The following FRMD5 variants were observed in gnomAD, a reference collection of about 807,000 sequenced individuals.
FRMD5 encodes FERM domain-containing protein 5.
In FRMD5, 20 loss-of-function variants were observed where a neutral mutation model predicts 69.0. The observed-to-expected ratio is 0.29, with a 90% CI of 0.20 to 0.42. The LOEUF (loss-of-function observed/expected upper bound fraction) is 0.42. Ranked by LOEUF, FRMD5 falls within the 10% of genes least tolerant of loss-of-function variation. The pLI, the probability that FRMD5 is intolerant of heterozygous loss-of-function variation, is 1.00. For missense variants in FRMD5, 595 were observed against 708.6 expected, an observed-to-expected ratio of 0.84 and a Z score of 1.82; for synonymous variants, 271 against 260.1, an observed-to-expected ratio of 1.04 and a Z score of -0.40.
chr15:43,966,946 G>A (rs572476511), intron 1 of FRMD5, among the ~76,000 whole-genome samples: 3 of 152,228 alleles, frequency 2.0e-5, no homozygotes, highest in Admixed American at 6.5e-5. Context: ...TTGCCTATAG[G>A]AGCATCCCAG....
chr15:43,879,981 G>C (rs548824551), intron 13 of FRMD5: 3 of 207,472 alleles, frequency 1.4e-5, no homozygotes, highest in Admixed American at 5.9e-5. Flanking sequence ...TTGGCCTGCA[G>C]CTCTTTCCCT....
chr15:44,096,243 T>G (rs1320408680), intron 1 of FRMD5, among the ~76,000 whole-genome samples: 1 of 149,744 alleles, frequency 6.7e-6, no homozygotes, highest in African/African-American at 2.5e-5. Flanking sequence ...TAAATTAAAT[T>G]ATGTCCATCA....
upstream of FRMD5, among the ~76,000 whole-genome samples, chr15:44,195,611 C>T (rs2078281308): frequency 6.6e-6 from 1 of 152,252 alleles, no homozygotes; most frequent in Non-Finnish European, 1.5e-5. Flanking sequence ...CCAAGCCTCG[C>T]ACCCTGCAAC....
chr15:43,995,834 C>T (rs1177387626), intron 1 of FRMD5, among the ~76,000 whole-genome samples: 2 of 152,024 alleles, frequency 1.3e-5, no homozygotes, highest in Non-Finnish European at 1.5e-5. Flanking sequence ...TGAGAGCCAG[C>T]TTGGAACCTT....
At chr15:44,009,069 A>C (rs1890594399) in intron 1 of FRMD5, among the ~76,000 whole-genome samples, 1 of 152,212 alleles carries the variant, frequency 6.6e-6, no homozygotes, top group Non-Finnish European at 1.5e-5. Context: ...TCCCGACGAC[A>C]GGAACCATGT....
chr15:43,950,417 T>G (rs1026504132), intron 1 of FRMD5, among the ~76,000 whole-genome samples: 7 of 152,216 alleles, frequency 4.6e-5, no homozygotes, highest in African/African-American at 1.7e-4. Flanking sequence ...CAAACAGCCA[T>G]GCTTAAACTA....
chr15:43,962,476 C>A (rs2090218559), intron 1 of FRMD5, among the ~76,000 whole-genome samples: 1 of 152,206 alleles, frequency 6.6e-6, no homozygotes, highest in African/African-American at 2.4e-5. Context: ...AATGGCCATA[C>A]TGCCCAAGGT....
intron 1 of FRMD5, among the ~76,000 whole-genome samples, chr15:43,942,767 A>T (rs1228105309): frequency 6.6e-6 from 1 of 152,138 alleles, no homozygotes; most frequent in East Asian, 1.9e-4. Flanking sequence ...AAAAGAGAAT[A>T]TTTCTTTTTT....
chr15:44,173,799 C>T (rs1363178695), intron 1 of FRMD5, among the ~76,000 whole-genome samples: 1 of 152,180 alleles, frequency 6.6e-6, no homozygotes, highest in Non-Finnish European at 1.5e-5. Flanking sequence ...CAGGCATGAG[C>T]TGCCGCATAT....
At chr15:44,002,489 C>T (rs557756082) in intron 1 of FRMD5, among the ~76,000 whole-genome samples, 4 of 152,204 alleles carry the variant, frequency 2.6e-5, no homozygotes, top group South Asian at 2.1e-4. Flanking sequence ...CTGTGAGCAT[C>T]GGCGGACTCA....
At chr15:43,892,926 A>G (rs543386831) in intron 7 of FRMD5, among the ~76,000 whole-genome samples, 22 of 152,128 alleles carry the variant, frequency 1.4e-4, no homozygotes, top group Non-Finnish European at 3.2e-4. Flanking sequence ...CAACATGGTG[A>G]AACCCCATCT....
intron 1 of FRMD5, among the ~76,000 whole-genome samples, chr15:44,166,140 T>C (rs2077705014): frequency 6.6e-6 from 1 of 152,224 alleles, no homozygotes; most frequent in African/African-American, 2.4e-5. Flanking sequence ...CATTTGGAAC[T>C]TATTTAACTT....
intron 1 of FRMD5, among the ~76,000 whole-genome samples, chr15:44,189,538 G>A (rs2078159277): frequency 6.6e-6 from 1 of 151,504 alleles, no homozygotes; most frequent in Non-Finnish European, 1.5e-5. Context: ...ACCCAGGCTG[G>A]AGTGCAATGG....
At chr15:43,909,735 C>T (rs551677045) in intron 5 of FRMD5, 147 bp downstream of exon 5, 147 of 486,064 alleles carry the variant, frequency 3.0e-4, no homozygotes, top group Non-Finnish European at 5.1e-4. Flanking sequence ...CCACCTCGGC[C>T]TCCCAAAGTG....
At chr15:44,022,269 C>T (rs1891240478) in intron 1 of FRMD5, among the ~76,000 whole-genome samples, 1 of 151,570 alleles carries the variant, frequency 6.6e-6, no homozygotes, top group Non-Finnish European at 1.5e-5. Flanking sequence ...TAATATAATA[C>T]AAAAGAGGGC....
At chr15:43,999,975 T>TGC (rs1360180765) in intron 1 of FRMD5, among the ~76,000 whole-genome samples, 2 of 69,640 alleles carry the variant, frequency 2.9e-5, no homozygotes, top group South Asian at 1.0e-3. Context: ...TATATATATA[T>TGC]ATATATATAT....
At chr15:43,888,058 G>A (rs113344416) in intron 10 of FRMD5, 117 bp downstream of exon 10, 1 of 712,730 alleles carries the variant, frequency 1.4e-6, no homozygotes, top group South Asian at 1.8e-5. Context: ...TAACTGTCAA[G>A]CTCTTGCCCA....
Position 43,972,371 on chromosome 15 carries a change from T to C in FRMD5, c.103-48062A>G, listed in dbSNP as rs574045957. Among the ~76,000 whole-genome samples, 10 of 152,260 alleles carry C rather than the reference T, an allele frequency of 6.6e-5. No individual in the cohort carries two copies. In the South Asian group the frequency reaches 2.1e-3, roughly 32 times the overall value. On this transcript the variant is annotated intron_variant, in intron 1 of 13. Transcript: ENST00000417257. ...GTTAAATGGAATTTGTTTGCTTGGA[T>C]TTTCTTCACCTTACTTTATTGAGTT...
intron 1 of FRMD5, among the ~76,000 whole-genome samples, chr15:44,131,697 G>A (rs1379665959): frequency 7.6e-6 from 1 of 131,420 alleles, no homozygotes; most frequent in Non-Finnish European, 1.7e-5. Context: ...CACAAAAAGA[G>A]AAATACTGAA....
Sources: gnomAD v4.1 joint callset for allele counts (sites outside exome capture counted in the v4.1 genomes callset) on GRCh38, gnomAD v4.1.1 for gene constraint, MANE v1.5 for transcripts, NCBI Gene and HGNC (gene_info 2026-07-23, HGNC 2026-07-21) for gene names.